CPNE3: variants seen among roughly 807,000 people sequenced by gnomAD.
CPNE3 encodes the protein copine-3.
Under a neutral mutation model 63.9 loss-of-function variants are expected in CPNE3, and 68 were observed. That is an observed-to-expected ratio of 1.06 (90% CI 0.87 to 1.30). The LOEUF (loss-of-function observed/expected upper bound fraction) is 1.30, where lower values mean the gene tolerates loss of function less well. Ranked by LOEUF, CPNE3 falls within the 50% of genes most tolerant of loss-of-function variation. CPNE3 has a pLI of 0.00. For missense variants in CPNE3, 665 were observed against 578.1 expected, an observed-to-expected ratio of 1.15 and a Z score of -1.54; for synonymous variants, 219 against 197.5, an observed-to-expected ratio of 1.11 and a Z score of -0.91.
At chr8:86,528,473 G>A in intron 2 of CPNE3, 63 bp from the exon 3 acceptor site, 5 of 1,572,836 alleles carry the variant, frequency 3.2e-6, no homozygotes, top group Non-Finnish European at 4.3e-6. Flanking sequence ...GTTTTTGTTA[G>A]GAATGAGTGT....
At chr8:86,541,676 A>C (rs1332829525) in intron 8 of CPNE3, among the ~76,000 whole-genome samples, 6 of 150,284 alleles carry the variant, frequency 4.0e-5, no homozygotes, top group African/African-American at 9.8e-5. Context: ...ACTGCACTCC[A>C]GCCTGGGTGA....
At chr8:86,522,547 G>GTTTTTTTTTT (rs1563684952) in intron 2 of CPNE3, among the ~76,000 whole-genome samples, 1 of 69,916 alleles carries the variant, frequency 1.4e-5, no homozygotes, top group Admixed American at 1.4e-4. Flanking sequence ...GACGCCCGCT[G>GTTTTTTTTTT]CTTTTTTTTT....
intron 8 of CPNE3, among the ~76,000 whole-genome samples, chr8:86,541,837 G>A (rs955311629): frequency 1.3e-4 from 19 of 151,946 alleles, no homozygotes; most frequent in Non-Finnish European, 2.1e-4. Flanking sequence ...ATCCAGGTCC[G>A]AAATAAATAG....
At chr8:86,556,066 G>T in intron 15 of CPNE3, 36 bp from the exon 16 acceptor site, 7 of 862,920 alleles carry the variant, frequency 8.1e-6, no homozygotes, top group Non-Finnish European at 1.4e-5. Flanking sequence ...GCCATTGCTT[G>T]ACTTGCTCAG....
At chr8:86,548,177 G>A (rs1292331163) in intron 11 of CPNE3, 124 bp from the exon 12 acceptor site, 1 of 890,718 alleles carries the variant, frequency 1.1e-6, no homozygotes. Context: ...AATAGTGGTA[G>A]GCATTTGTTA....
chr8:86,546,753 C>T (rs988489960), intron 10 of CPNE3, 72 bp downstream of exon 10: 22 of 1,505,654 alleles, frequency 1.5e-5, no homozygotes, highest in Non-Finnish European at 2.0e-5. Flanking sequence ...GCTCTGTTGC[C>T]CAGGCTGGAG....
intron 6 of CPNE3, among the ~76,000 whole-genome samples, chr8:86,536,311 C>T (rs974161370): frequency 6.8e-6 from 1 of 147,082 alleles, no homozygotes; most frequent in Non-Finnish European, 1.5e-5. Flanking sequence ...ACTAGATGTA[C>T]ACTTTCCTCC....
At chr8:86,536,163 A>G (rs1157491092) in intron 6 of CPNE3, among the ~76,000 whole-genome samples, 1 of 151,314 alleles carries the variant, frequency 6.6e-6, no homozygotes, top group Non-Finnish European at 1.5e-5. Context: ...TTATAATTTA[A>G]TCATTCTGTT....
intron 6 of CPNE3, 132 bp downstream of exon 6, chr8:86,532,712 A>T: frequency 1.4e-6 from 1 of 719,512 alleles, no homozygotes; most frequent in South Asian, 1.9e-5. Flanking sequence ...CAAATTTTGC[A>T]TGTGTGTGTG....
intron 2 of CPNE3, among the ~76,000 whole-genome samples, chr8:86,517,451 C>T (rs1225719060): frequency 6.6e-6 from 1 of 152,052 alleles, no homozygotes; most frequent in East Asian, 1.9e-4. Context: ...TTTTAGTTTA[C>T]CACGCCTTTA....
chr8:86,551,085 ACCT>A lies in CPNE3; in HGVS notation c.1058_1060del (p.Pro353del), dbSNP rs542894016. 1,310 of 1,612,188 alleles carry A rather than the reference ACCT, an allele frequency of 8.1e-4. 17 individuals carry two copies. In the South Asian group the frequency reaches 0.013, roughly 16 times the overall value. ...CAGCTTTTGGTTTTGGCGCTCAGAT[ACCT>A]CCTCAGTGGCAGGTAAGAGGAAATC... On this transcript the variant is annotated inframe_deletion, in exon 13 of 17. Transcript: ENST00000517490.
At chr8:86,519,598 G>A (rs1437883603) in intron 2 of CPNE3, among the ~76,000 whole-genome samples, 1 of 152,208 alleles carries the variant, frequency 6.6e-6, no homozygotes, top group Admixed American at 6.5e-5. Flanking sequence ...CTACTTAATA[G>A]ACTGGGCCCT....
intron 6 of CPNE3, among the ~76,000 whole-genome samples, chr8:86,534,525 G>A (rs1179130967): frequency 2.0e-5 from 3 of 152,132 alleles, no homozygotes; most frequent in African/African-American, 7.2e-5. Flanking sequence ...GCGTGGTGGT[G>A]CGTGCCAGTA....
At chr8:86,535,837 G>A (rs1217840811) in intron 6 of CPNE3, among the ~76,000 whole-genome samples, 1 of 152,016 alleles carries the variant, frequency 6.6e-6, no homozygotes, top group African/African-American at 2.4e-5. Flanking sequence ...TGAAAAGTTT[G>A]AGCTTTCTTT....
chr8:86,521,441 G>C (rs1173354473), intron 2 of CPNE3, among the ~76,000 whole-genome samples: 1 of 152,044 alleles, frequency 6.6e-6, no homozygotes, highest in Admixed American at 6.6e-5. Context: ...TTTGTGTCAG[G>C]CTGAATATTA....
At chr8:86,541,078 T>A (rs1363185458) in intron 8 of CPNE3, among the ~76,000 whole-genome samples, 1 of 152,192 alleles carries the variant, frequency 6.6e-6, no homozygotes, top group Non-Finnish European at 1.5e-5. Flanking sequence ...CTTCAGTCGA[T>A]CAAAGGGATT....
intron 2 of CPNE3, among the ~76,000 whole-genome samples, chr8:86,523,904 G>C (rs757318400): frequency 2.0e-5 from 3 of 152,172 alleles, no homozygotes; most frequent in Non-Finnish European, 4.4e-5. Flanking sequence ...GGATCTTGAA[G>C]AACTTGGGTG....
At chr8:86,517,131 T>C (rs936608226) in intron 2 of CPNE3, among the ~76,000 whole-genome samples, 1 of 152,186 alleles carries the variant, frequency 6.6e-6, no homozygotes, top group African/African-American at 2.4e-5. Flanking sequence ...GGAATCGTAT[T>C]GGGGTTTTTT....
At position 86,558,407 on chromosome 8, in the gene CPNE3, G is replaced by C. The variant is rs769116507; in HGVS notation, c.1611G>C (p.Gln537His). The change falls in exon 17 of 17, where the codon CAG becomes CAC. Residue 537 changes from glutamine to histidine, a missense_variant. Coordinates refer to ENST00000517490, the MANE Select transcript of CPNE3 (RefSeq NM_003909.5). ...PKNPATKQQKQ is the reference protein window; with the variant it reads ...PKNPATKQQKH ...ACCCAGCCACGAAACAACAGAAGCA[G>C]TGACCACTTCAACAGAATTCTTTTG... is the stretch of plus-strand genomic sequence containing the variant. The C allele has an allele frequency of 1.1e-6, 1 of 872,948 alleles. No individual in the cohort carries two copies. Among genetic ancestry groups the C allele is most frequent in the South Asian group, 1.3e-5 (1 of 76,542 alleles). 54.1% of individuals were successfully genotyped at this position (872,948 alleles called of 1,614,324 possible).
Sources: gnomAD v4.1 joint callset for allele counts (sites outside exome capture counted in the v4.1 genomes callset) on GRCh38, gnomAD v4.1.1 for gene constraint, MANE v1.5 for transcripts, NCBI Gene and HGNC (gene_info 2026-07-23, HGNC 2026-07-21) for gene names.